The following FAM107B variants were observed in gnomAD, a reference collection of about 807,000 sequenced individuals.
FAM107B encodes protein FAM107B.
A neutral mutation model predicts 31.5 loss-of-function variants in FAM107B; 21 were observed. The observed-to-expected ratio is 0.67, with a 90% CI of 0.47 to 0.96. The LOEUF is 0.96. Ranked by LOEUF, FAM107B falls within the 40% of genes least tolerant of loss-of-function variation. The pLI, the probability that FAM107B is intolerant of heterozygous loss-of-function variation, is 0.00. For missense variants in FAM107B, 452 were observed against 377.1 expected (o/e 1.20, Z -1.64); for synonymous variants, 157 against 141.5 (o/e 1.11, Z -0.78).
At chr10:14,621,025 C>G (rs763279850) in intron 2 of FAM107B, among the ~76,000 whole-genome samples, 1 of 152,200 alleles carries the variant, frequency 6.6e-6, no homozygotes, top group African/African-American at 2.4e-5. Flanking sequence ...TTGATTCCCA[C>G]AGATTGACCT....
chr10:14,560,153 C>G (rs190359669), intron 2 of FAM107B, among the ~76,000 whole-genome samples: 183 of 152,116 alleles, frequency 1.2e-3, no homozygotes, highest in African/African-American at 4.2e-3. Context: ...CCTGGGTGAC[C>G]ACCATGCTCT....
At chr10:14,772,702 A>G (rs1030696833) in intron 1 of FAM107B, among the ~76,000 whole-genome samples, 1 of 152,056 alleles carries the variant, frequency 6.6e-6, no homozygotes, top group Non-Finnish European at 1.5e-5. Context: ...GGGCTTCCCA[A>G]CTGTAATCCA....
chr10:14,695,065 G>C (rs1024544063), intron 1 of FAM107B, among the ~76,000 whole-genome samples: 1 of 152,030 alleles, frequency 6.6e-6, no homozygotes, highest in East Asian at 1.9e-4. Context: ...TATGCAAAAC[G>C]TCATTACCAA....
intron 2 of FAM107B, among the ~76,000 whole-genome samples, chr10:14,545,937 G>A (rs1588540623): frequency 6.6e-6 from 1 of 152,306 alleles, no homozygotes; most frequent in African/African-American, 2.4e-5. Context: ...AATCATTCCT[G>A]AGAGGAAGGA....
At chr10:14,709,524 G>C (rs1412851817) in intron 1 of FAM107B, among the ~76,000 whole-genome samples, 1 of 152,174 alleles carries the variant, frequency 6.6e-6, no homozygotes, top group Non-Finnish European at 1.5e-5. Flanking sequence ...CACAAGAACA[G>C]CATGGGAAAG....
chr10:14,684,875 C>A (rs996711319), intron 1 of FAM107B, among the ~76,000 whole-genome samples: 1 of 151,588 alleles, frequency 6.6e-6, no homozygotes, highest in African/African-American at 2.4e-5. Context: ...GGCTGGAGTG[C>A]AGGGGAGCAA....
intron 2 of FAM107B, among the ~76,000 whole-genome samples, chr10:14,567,179 T>A (rs936414157): frequency 2.0e-5 from 3 of 151,882 alleles, no homozygotes; most frequent in Admixed American, 1.3e-4. Flanking sequence ...TAAATAAAAA[T>A]AAATAAATTG....
At position 14,667,225 on chromosome 10, in the gene FAM107B, TACTTG is replaced by T. The variant is rs143362723; in HGVS notation, c.469+404_469+408del. ...CATAAATCACTTTAGCGAAGCTGCATACTTGACCATACACAAACATAAAAAAAACC... is the reference window on the plus strand; with the variant it reads ...CATAAATCACTTTAGCGAAGCTGCATACCATACACAAACATAAAAAAAACC... On this transcript the variant is annotated intron_variant, in intron 2 of 4. Transcript: ENST00000181796. 3.1e-3 allele frequency among the ~76,000 whole-genome samples: 477 copies of T among 152,352 alleles called. 8 individuals carry two copies. The East Asian group carries it at 0.051, about 16-fold the overall frequency.
In FAM107B at chr10:14,606,581, A is replaced by G. The variant is rs553514175; in HGVS notation, c.469+61053T>C. 2.0e-5 allele frequency among the ~76,000 whole-genome samples: 3 copies of G among 152,310 alleles called. No homozygotes were observed. In the South Asian group the frequency reaches 6.2e-4, roughly 32 times the overall value. ...GACTGTATTTGGAGACAGGACCTATAGGGAGGTAATTAAGGTTAAACAAGG... is the reference window on the plus strand; with the variant it reads ...GACTGTATTTGGAGACAGGACCTATGGGGAGGTAATTAAGGTTAAACAAGG... On this transcript the variant is annotated intron_variant, in intron 2 of 4. Transcript: ENST00000181796.
chr10:14,618,573 A>G (rs1396794862), intron 2 of FAM107B, among the ~76,000 whole-genome samples: 3 of 152,108 alleles, frequency 2.0e-5, no homozygotes, highest in African/African-American at 4.8e-5. Context: ...TTGGTGGCTC[A>G]TGCCTGTAAT....
rs1161310466 is a variant in FAM107B, at chr10:14,520,933, G to C, written c.*257C>G. On this transcript the variant is annotated 3_prime_UTR_variant, in exon 5 of 5. Transcript: ENST00000181796. ...CCTGTTCTCACTTGTTTTGCTTGTT[G>C]GTTCTGTTAAGTCTCTGAACACAGG... The C allele has an allele frequency of 2.7e-6, 1 of 372,468 alleles. No homozygotes were observed. The highest frequency in any genetic ancestry group is 2.1e-5 in the African/African-American group (1 of 47,910). The allele number at this position is 372,468 out of a possible 1,614,324, so 23.1% of individuals were successfully genotyped here.
intron 1 of FAM107B, among the ~76,000 whole-genome samples, chr10:14,765,318 C>T (rs1309585885): frequency 6.6e-6 from 1 of 152,170 alleles, no homozygotes; most frequent in African/African-American, 2.4e-5. Context: ...CCACTCTCTG[C>T]AGTCTTTTAT....
intron 1 of FAM107B, among the ~76,000 whole-genome samples, chr10:14,773,122 CAT>C (rs1211262145): frequency 1.3e-5 from 2 of 152,152 alleles, no homozygotes. Context: ...TAGAAAAAAA[CAT>C]AGCAGTTTTT....
intron 2 of FAM107B, among the ~76,000 whole-genome samples, chr10:14,561,227 A>G (rs998111664): frequency 2.0e-5 from 3 of 152,182 alleles, no homozygotes; most frequent in African/African-American, 7.2e-5. Context: ...GCAGCAAAGG[A>G]CACAAAGCCA....
chr10:14,626,850 A>T (rs183849521), intron 2 of FAM107B, among the ~76,000 whole-genome samples: 1 of 152,286 alleles, frequency 6.6e-6, no homozygotes, highest in East Asian at 1.9e-4. Flanking sequence ...TTGCATAAAA[A>T]GTACTATGGA....
At chr10:14,706,389 G>C (rs958770716) in intron 1 of FAM107B, among the ~76,000 whole-genome samples, 6 of 151,926 alleles carry the variant, frequency 3.9e-5, no homozygotes, top group African/African-American at 1.5e-4. Context: ...CACCATGCCT[G>C]GCTAATTTTA....
rs111575617 is a variant in FAM107B, at chr10:14,520,784, G to A, written c.*406C>T. On this transcript the variant is annotated 3_prime_UTR_variant, in exon 5 of 5. Transcript: ENST00000181796. ...ATTATCTAACAGATAACAAAAAGAGGAATTAAACACTTGTTTTTTAGCTTT... is the reference window on the plus strand; with the variant it reads ...ATTATCTAACAGATAACAAAAAGAGAAATTAAACACTTGTTTTTTAGCTTT... The A allele has an allele frequency of 0.013, 2,079 of 159,542 alleles. 52 individuals are homozygous for A. The highest frequency in any genetic ancestry group is 0.047 in the African/African-American group (1,979 of 41,796). 9.9% of individuals were successfully genotyped at this position (159,542 alleles called of 1,614,324 possible).
intron 1 of FAM107B, among the ~76,000 whole-genome samples, chr10:14,741,147 T>C (rs1404283965): frequency 6.6e-6 from 1 of 151,908 alleles, no homozygotes; most frequent in Non-Finnish European, 1.5e-5. Flanking sequence ...AGAATCAGGG[T>C]ACCAGGTGAG....
chr10:14,554,921 T>C (rs564275748), intron 2 of FAM107B, among the ~76,000 whole-genome samples: 3 of 152,298 alleles, frequency 2.0e-5, no homozygotes, highest in Admixed American at 6.5e-5. Context: ...TGATGACTGA[T>C]TCAGGCATTT....
Sources: gnomAD v4.1 joint callset for allele counts (sites outside exome capture counted in the v4.1 genomes callset) on GRCh38, gnomAD v4.1.1 for gene constraint, MANE v1.5 for transcripts, NCBI Gene and HGNC (gene_info 2026-07-23, HGNC 2026-07-21) for gene names.